ITFG1: variants seen among roughly 807,000 people sequenced by gnomAD.
The protein encoded by ITFG1 is T-cell immunomodulatory protein.
A neutral mutation model predicts 81.8 loss-of-function variants in ITFG1; 34 were observed. The observed-to-expected ratio is 0.42, with a 90% confidence interval of 0.32 to 0.55. The LOEUF (loss-of-function observed/expected upper bound fraction) is 0.55, where lower values mean the gene tolerates loss of function less well. Among genes scored for constraint, ITFG1 ranks in the 20% least tolerant of loss-of-function variants. The pLI is 0.17. For missense variants in ITFG1, 672 were observed against 755.4 expected (o/e 0.89, Z 1.29); for synonymous variants, 285 against 270.6 (o/e 1.05, Z -0.52).
At chr16:47,441,022 A>G (rs1439588102) in intron 5 of ITFG1, among the ~76,000 whole-genome samples, 1 of 152,244 alleles carries the variant, frequency 6.6e-6, no homozygotes, top group East Asian at 1.9e-4. Flanking sequence ...CCGATGGTAC[A>G]AACTACCATC....
chr16:47,236,364 A>AC (rs1965873546), intron 13 of ITFG1, among the ~76,000 whole-genome samples: 1 of 151,288 alleles, frequency 6.6e-6, no homozygotes, highest in Non-Finnish European at 1.5e-5. Context: ...AGTCCCAGCT[A>AC]CTCGGGAGGC....
At chr16:47,342,024 C>G (rs1449648191) in intron 8 of ITFG1, among the ~76,000 whole-genome samples, 30 of 152,164 alleles carry the variant, frequency 2.0e-4, no homozygotes. Context: ...TTCTCAAATT[C>G]TTCCAGAAAA....
chr16:47,253,208 T>C (rs189932615), intron 12 of ITFG1, among the ~76,000 whole-genome samples: 2 of 152,282 alleles, frequency 1.3e-5, no homozygotes, highest in African/African-American at 4.8e-5. Flanking sequence ...TTCTCAAGAC[T>C]CTCTTCAGTT....
At chr16:47,440,487 T>G (rs544905166) in intron 5 of ITFG1, among the ~76,000 whole-genome samples, 1 of 152,272 alleles carries the variant, frequency 6.6e-6, no homozygotes, top group South Asian at 2.1e-4. Flanking sequence ...ACAAACTGTC[T>G]CTCAGACCAC....
intron 3 of ITFG1, 136 bp downstream of exon 3, chr16:47,453,877 A>G: frequency 1.6e-6 from 1 of 639,436 alleles, no homozygotes; most frequent in Non-Finnish European, 2.7e-6. Flanking sequence ...AAAAATCAGG[A>G]AATAAACTTT....
chr16:47,414,333 G>C (rs1968847648), intron 6 of ITFG1, among the ~76,000 whole-genome samples: 1 of 151,096 alleles, frequency 6.6e-6, no homozygotes, highest in Non-Finnish European at 1.5e-5. Flanking sequence ...AGACCAGCCT[G>C]GCCAACAGGG....
chr16:47,447,158 G>A (rs1024532729), intron 5 of ITFG1, among the ~76,000 whole-genome samples: 2 of 152,044 alleles, frequency 1.3e-5, no homozygotes, highest in Non-Finnish European at 2.9e-5. Context: ...ATGAGTCACT[G>A]CCCCTAGCCT....
chr16:47,338,251 C>T (rs1303267520), intron 8 of ITFG1, among the ~76,000 whole-genome samples: 2 of 151,982 alleles, frequency 1.3e-5, no homozygotes, highest in East Asian at 1.9e-4. Flanking sequence ...CTCTAGTAAA[C>T]ATAAAAAACA....
intron 8 of ITFG1, among the ~76,000 whole-genome samples, chr16:47,359,439 CTTCT>C (rs1968081855): frequency 6.6e-6 from 1 of 152,170 alleles, no homozygotes; most frequent in Non-Finnish European, 1.5e-5. Flanking sequence ...AGAAATCAGT[CTTCT>C]TTTTCTCTTC....
At chr16:47,443,205 T>C (rs1248369813) in intron 5 of ITFG1, among the ~76,000 whole-genome samples, 1 of 152,114 alleles carries the variant, frequency 6.6e-6, no homozygotes, top group African/African-American at 2.4e-5. Flanking sequence ...GAGATACCAT[T>C]TCATACCAGG....
intron 14 of ITFG1, among the ~76,000 whole-genome samples, chr16:47,171,611 G>T (rs1964963636): frequency 6.6e-6 from 1 of 151,688 alleles, no homozygotes; most frequent in African/African-American, 2.4e-5. Flanking sequence ...GTTCCTTATG[G>T]TATAAAATTA....
At chr16:47,257,789 C>T (rs369714261) in intron 12 of ITFG1, among the ~76,000 whole-genome samples, 2 of 152,250 alleles carry the variant, frequency 1.3e-5, no homozygotes, top group East Asian at 1.9e-4. Context: ...CCAGTAGCAA[C>T]GAGCACACTG....
upstream of ITFG1, chr16:47,461,156 C>T (rs1969538955): frequency 1.8e-6 from 2 of 1,127,586 alleles, no homozygotes; most frequent in Admixed American, 5.8e-5. Context: ...GCGTAAGAGC[C>T]GCTGCCGGCT....
At chr16:47,444,420 T>C (rs914473110) in intron 5 of ITFG1, among the ~76,000 whole-genome samples, 1 of 152,158 alleles carries the variant, frequency 6.6e-6, no homozygotes, top group Non-Finnish European at 1.5e-5. Context: ...GAGTACTTAG[T>C]GTATTGAAAA....
intron 14 of ITFG1, among the ~76,000 whole-genome samples, chr16:47,217,335 C>T (rs577652401): frequency 1.8e-4 from 28 of 152,258 alleles, no homozygotes; most frequent in African/African-American, 6.3e-4. Flanking sequence ...TGATATCCCA[C>T]CAGTGAACTT....
At chr16:47,224,040 G>A (rs1307604303) in intron 13 of ITFG1, among the ~76,000 whole-genome samples, 1 of 135,894 alleles carries the variant, frequency 7.4e-6, no homozygotes, top group Non-Finnish European at 1.6e-5. Flanking sequence ...ACAGGAAGGG[G>A]AACATCACAC....
At chr16:47,377,317 T>C (rs1055297790) in intron 6 of ITFG1, among the ~76,000 whole-genome samples, 2 of 152,170 alleles carry the variant, frequency 1.3e-5, no homozygotes, top group Non-Finnish European at 2.9e-5. Flanking sequence ...TATGCAAATG[T>C]AGTCCTCTAT....
intron 5 of ITFG1, among the ~76,000 whole-genome samples, chr16:47,430,393 T>A (rs2151610223): frequency 6.6e-6 from 1 of 152,206 alleles, no homozygotes; most frequent in East Asian, 1.9e-4. Context: ...ATAGTACAAG[T>A]TTTTAATTTT....
rs541788623 is a variant in ITFG1 at position 47,440,686 on chromosome 16, C to A, written c.560+10710G>T. ...AGAATCTCTGGGACACATTCAAAGC[C>A]GTGTGTAGAGGGAAATTTATAGCAC... On this transcript the variant is annotated intron_variant, in intron 5 of 17. Coordinates refer to ENST00000320640, the MANE Select transcript of ITFG1 (RefSeq NM_030790.5). Among the ~76,000 whole-genome samples, 584 of 151,918 alleles carry A rather than the reference C, an allele frequency of 3.8e-3. 1 individual carries two copies. Among genetic ancestry groups the A allele is most frequent in the Middle Eastern group, 6.8e-3 (2 of 294 alleles).
Sources: allele counts gnomAD v4.1 joint callset (sites outside exome capture counted in the v4.1 genomes callset), GRCh38; gene constraint gnomAD v4.1.1; transcripts MANE v1.5; gene names NCBI Gene and HGNC (gene_info 2026-07-23, HGNC 2026-07-21).